The following ITGA11 variants were observed in gnomAD, a reference collection of about 807,000 sequenced individuals.
ITGA11 encodes integrin alpha-11.
A neutral mutation model predicts 141.9 loss-of-function variants in ITGA11; 97 were observed. The observed-to-expected ratio is 0.68, with a 90% CI of 0.58 to 0.81. ITGA11 has a LOEUF of 0.81. ITGA11 is among the 30% of genes least tolerant of loss of function. ITGA11 has a pLI of 0.00. For missense variants in ITGA11, 1,387 were observed against 1,559.2 expected (o/e 0.89, Z 1.86); for synonymous variants, 658 against 624.6 (o/e 1.05, Z -0.80).
In ITGA11 at chr15:68,305,227, C is replaced by T. The variant is rs2140261860; in HGVS notation, c.3382-1342G>A. Reference sequence around the variant, plus strand: ...ATTCCCTCTGCCTGCAAGGGTTTCCCTCACGCAGCCACGAGACACTCCTGT... The same window carrying T: ...ATTCCCTCTGCCTGCAAGGGTTTCCTTCACGCAGCCACGAGACACTCCTGT... On this transcript the variant is annotated intron_variant, in intron 28 of 29. Coordinates refer to ENST00000315757, the MANE Select transcript of ITGA11 (RefSeq NM_001004439.2). The surrounding 1 kb of genome is among the most constrained non-coding windows in gnomAD (Gnocchi z 4.6). Among the ~76,000 whole-genome samples, 1 of 152,332 alleles carries T rather than the reference C, an allele frequency of 6.6e-6. No individual in the cohort carries two copies. Among genetic ancestry groups the T allele is most frequent in the South Asian group, 2.1e-4 (1 of 4,830 alleles).
intron 25 of ITGA11, 28 bp from the exon 26 acceptor site, chr15:68,311,108 A>G: frequency 6.5e-7 from 1 of 1,548,986 alleles, no homozygotes; most frequent in Non-Finnish European, 8.9e-7. Flanking sequence ...ACACACACAC[A>G]CATACACAGC....
chr15:68,318,639 A>G (rs1454466751), intron 20 of ITGA11, among the ~76,000 whole-genome samples: 1 of 152,084 alleles, frequency 6.6e-6, no homozygotes, highest in African/African-American at 2.4e-5. Flanking sequence ...GTACCCGAGT[A>G]GGCAGCTCCT....
rs368307734 is a variant in ITGA11 at position 68,313,854 on chromosome 15, C to T, written c.2807G>A (p.Arg936Gln). 5.0e-5 allele frequency: 80 copies of T among 1,613,860 alleles called. No individual in the cohort carries two copies. The highest frequency in any genetic ancestry group is 1.1e-4 in the East Asian group (5 of 44,884). The change falls in exon 23 of 30, where the codon CGG becomes CAG. Residue 936 changes from arginine to glutamine, a missense_variant. Arg to Gln is a conservative substitution (Grantham distance 43). Coordinates refer to ENST00000315757, the MANE Select transcript of ITGA11 (RefSeq NM_001004439.2). The part of the protein sequence containing the change: ...ELAAGSDSNE[R>Q]DSTKEDNVAP... ...CACGTTGTCTTCCTTGGTGCTGTCC[C>T]GCTCATTACTGTCACTGCAAGGAGA...
At chr15:68,317,005 G>C (rs896162307) in intron 21 of ITGA11, among the ~76,000 whole-genome samples, 1 of 152,252 alleles carries the variant, frequency 6.6e-6, no homozygotes. Flanking sequence ...GACTGGCTAA[G>C]GGCAGGTGGC....
chr15:68,302,981 T>TG lies in ITGA11; in HGVS notation c.*77dup. 3.3e-6 allele frequency: 4 copies of TG among 1,217,490 alleles called. No individual in the cohort carries two copies. The South Asian group carries it at 5.6e-5, about 17-fold the overall frequency. The allele number at this position is 1,217,490 out of a possible 1,614,324, so 75.4% of individuals were successfully genotyped here. A position where few individuals can be genotyped will look rare whatever the true frequency, so the allele number is the denominator to read the frequency against. On this transcript the variant is annotated 3_prime_UTR_variant, in exon 30 of 30. Transcript: ENST00000315757. ...TGGCTTCCTCTCCGCTCCAGCTCGG[T>TG]GGGGCCACAGGCCTGGGTCTCAACA...
intron 2 of ITGA11, among the ~76,000 whole-genome samples, chr15:68,402,227 A>G (rs1896529244): frequency 6.6e-6 from 1 of 152,112 alleles, no homozygotes; most frequent in African/African-American, 2.4e-5. Context: ...CTGCCAGCTA[A>G]AAACCAAGTG....
intron 2 of ITGA11, among the ~76,000 whole-genome samples, chr15:68,399,369 G>T (rs1300946068): frequency 6.6e-6 from 1 of 152,038 alleles, no homozygotes; most frequent in Admixed American, 6.6e-5. Flanking sequence ...ATACACTGTT[G>T]GTGGGAATGG....
chr15:68,409,689 T>C (rs1248700932), intron 1 of ITGA11, among the ~76,000 whole-genome samples: 1 of 152,142 alleles, frequency 6.6e-6, no homozygotes, highest in African/African-American at 2.4e-5. Context: ...AATAATTGTG[T>C]ACATGAACAA....
chr15:68,369,085 A>G, intron 3 of ITGA11, 99 bp downstream of exon 3: 1 of 817,154 alleles, frequency 1.2e-6, no homozygotes, highest in Non-Finnish European at 2.1e-6. Context: ...GAGTAGCAGG[A>G]AGGAGTCAGT....
intron 21 of ITGA11, among the ~76,000 whole-genome samples, chr15:68,316,552 C>T (rs1893584254): frequency 6.6e-6 from 1 of 152,208 alleles, no homozygotes; most frequent in Non-Finnish European, 1.5e-5. Flanking sequence ...AACCCAGAAA[C>T]CACACCTTTG....
chr15:68,365,055 T>C (rs1268551601), intron 3 of ITGA11: 2 of 826,122 alleles, frequency 2.4e-6, no homozygotes, highest in Admixed American at 6.2e-5. Context: ...CACCGAGCCT[T>C]CTATCTCCTA....
In ITGA11 at chr15:68,326,666, G is replaced by A. The variant is rs1320975351; in HGVS notation, c.2199C>T (p.Asn733=). The A allele has an allele frequency of 5.7e-6, 9 of 1,591,682 alleles. No individual in the cohort carries two copies. Among genetic ancestry groups the A allele is most frequent in the South Asian group, 1.2e-5 (1 of 86,818 alleles). ...GCTGCCAGCTTACCAGGACATGGAAGTTGATCCGCTCACAGAGCTCCTGGC... is the reference window on the plus strand; with the variant it reads ...GCTGCCAGCTTACCAGGACATGGAAATTGATCCGCTCACAGAGCTCCTGGC... The part of the protein sequence containing the change: ...SSGQELCERI[N]FHVLDTADYV... The change falls in exon 17 of 30, where the codon AAC becomes AAT. Residue 733 remains asparagine (N), a synonymous_variant. Coordinates refer to ENST00000315757, the MANE Select transcript of ITGA11 (RefSeq NM_001004439.2). This position sits in a 1 kb window ranked among gnomAD's most constrained non-coding sequence, Gnocchi z 6.8.
At chr15:68,398,266 G>A (rs1325370428) in intron 2 of ITGA11, among the ~76,000 whole-genome samples, 2 of 151,910 alleles carry the variant, frequency 1.3e-5, no homozygotes, top group East Asian at 3.8e-4. Context: ...CATCTCACGT[G>A]CAGAGACACA....
chr15:68,379,900 T>G (rs1006401714), intron 2 of ITGA11, among the ~76,000 whole-genome samples: 5 of 152,124 alleles, frequency 3.3e-5, no homozygotes, highest in African/African-American at 1.2e-4. Context: ...TCTCAGCCAT[T>G]GCATGGTAGG....
At chr15:68,400,634 TTATAATATTATATATTATATAATAAA>T (rs1566938400) in intron 2 of ITGA11, among the ~76,000 whole-genome samples, 71 of 73,818 alleles carry the variant, frequency 9.6e-4, no homozygotes, top group African/African-American at 3.0e-3. Flanking sequence ...ATAATAAATA[TTATAATATTATATATTATATAATAAA>T]TATATTATAT....
In ITGA11 at chr15:68,328,051, G is replaced by T; in HGVS notation, c.2068+45C>A. 6.4e-7 allele frequency: 1 copy of T among 1,567,226 alleles called. No individual in the cohort carries two copies. Among genetic ancestry groups the T allele is most frequent in the Non-Finnish European group, 8.7e-7 (1 of 1,152,342 alleles). ...TTTGAAATAGAGCAAGGTGCAGGGG[G>T]AGACTGGAGTCTGGGGGTGGGGAGA... On this transcript the variant is annotated intron_variant, in intron 16 of 29. Transcript: ENST00000315757. The surrounding 1 kb of genome is among the most constrained non-coding windows in gnomAD (Gnocchi z 4.8).
At chr15:68,355,808 G>A (rs1263894641) in intron 7 of ITGA11, among the ~76,000 whole-genome samples, 2 of 152,020 alleles carry the variant, frequency 1.3e-5, no homozygotes, top group Admixed American at 1.3e-4. Context: ...CCTACCTAAG[G>A]TGGGATTATA....
intron 7 of ITGA11, 68 bp from the exon 8 acceptor site, chr15:68,351,470 GC>G: frequency 6.5e-7 from 1 of 1,532,864 alleles, no homozygotes; most frequent in Non-Finnish European, 8.8e-7. Context: ...TGACGCTCCT[GC>G]AGAGGGGCAG....
chr15:68,371,084 G>T (rs1003205991), intron 2 of ITGA11, among the ~76,000 whole-genome samples: 1 of 152,172 alleles, frequency 6.6e-6, no homozygotes, highest in Non-Finnish European at 1.5e-5. Context: ...TATTAAGCCC[G>T]CCTATTTTTG....
Sources: allele counts gnomAD v4.1 joint callset (sites outside exome capture counted in the v4.1 genomes callset), GRCh38; gene constraint gnomAD v4.1.1; non-coding constraint Gnocchi (gnomAD v3.1); transcripts MANE v1.5; gene names NCBI Gene and HGNC (gene_info 2026-07-23, HGNC 2026-07-21).